The following MAST2 variants were observed in gnomAD, a reference collection of about 807,000 sequenced individuals.
The protein encoded by MAST2 is microtubule associated serine/threonine kinase 2.
In MAST2, 70 loss-of-function variants were observed where a neutral mutation model predicts 147.4. The ratio of observed to expected loss-of-function variants is 0.47; its 90% CI spans 0.39 to 0.58. The LOEUF (loss-of-function observed/expected upper bound fraction) is 0.58. Ranked by LOEUF, MAST2 falls within the 20% of genes least tolerant of loss-of-function variation. The pLI, the probability that MAST2 is intolerant of heterozygous loss-of-function variation, is 0.00. For missense variants in MAST2, 2,080 were observed against 2,302.3 expected, an observed-to-expected ratio of 0.90 and a Z score of 1.98; for synonymous variants, 869 against 896.8, an observed-to-expected ratio of 0.97 and a Z score of 0.55.
intron 4 of MAST2, among the ~76,000 whole-genome samples, chr1:45,892,765 A>G (rs1648046418): frequency 6.6e-6 from 1 of 152,206 alleles, no homozygotes; most frequent in Admixed American, 6.5e-5. Context: ...TCTGCATGTG[A>G]CAGAGTCTCA....
At chr1:45,948,135 G>A (rs1658358663) in intron 4 of MAST2, among the ~76,000 whole-genome samples, 1 of 152,188 alleles carries the variant, frequency 6.6e-6, no homozygotes, top group African/African-American at 2.4e-5. Flanking sequence ...AGCCAAATCA[G>A]GAAGGCAGTC....
intron 3 of MAST2, among the ~76,000 whole-genome samples, chr1:45,836,446 G>T (rs571327824): frequency 2.8e-4 from 43 of 152,158 alleles, no homozygotes; most frequent in African/African-American, 8.4e-4. Flanking sequence ...TCATTAAAAA[G>T]ATTCTTATTT....
At chr1:45,880,531 C>T (rs774843111) in intron 3 of MAST2, among the ~76,000 whole-genome samples, 2 of 152,046 alleles carry the variant, frequency 1.3e-5, no homozygotes, top group African/African-American at 4.8e-5. Context: ...AATTGGCATA[C>T]GTAAGATTAA....
intron 5 of MAST2, among the ~76,000 whole-genome samples, chr1:45,988,591 A>G (rs775994753): frequency 3.7e-4 from 56 of 152,200 alleles, no homozygotes; most frequent in Non-Finnish European, 5.4e-4. Context: ...GTAAGTGTCA[A>G]TTATGTCAAG....
chr1:46,025,285 C>A (rs1255417937), intron 15 of MAST2, among the ~76,000 whole-genome samples: 3 of 152,138 alleles, frequency 2.0e-5, no homozygotes, highest in Admixed American at 2.0e-4. Flanking sequence ...CACCACTGCA[C>A]TCTAGCCTGG....
Position 46,021,951 on chromosome 1 carries a change from A to G in MAST2, c.1292A>G (p.Glu431Gly). 1.2e-6 allele frequency: 2 copies of G among 1,614,104 alleles called. No homozygotes were observed. The highest frequency in any genetic ancestry group is 1.7e-6 in the Non-Finnish European group (2 of 1,179,990). ...GACTATCTCTCTCCCTTGGTACAGGAGTTTGACCCTGAAGAGTTCTACCAC... is the reference window on the plus strand; with the variant it reads ...GACTATCTCTCTCCCTTGGTACAGGGGTTTGACCCTGAAGAGTTCTACCAC... Reference protein sequence around the residue: ...ARPARLLECLEFDPEEFYHLL... With the variant: ...ARPARLLECLGFDPEEFYHLL... The change falls in exon 12 of 29, where the codon GAG (glutamate) becomes GGG (glycine). Residue 431 changes from glutamate to glycine, a missense_variant and splice_region_variant. By Grantham distance (98) the Glu-to-Gly change is moderately conservative. Transcript: ENST00000361297.
intron 5 of MAST2, among the ~76,000 whole-genome samples, chr1:45,986,451 C>T (rs1363778900): frequency 1.3e-5 from 2 of 152,150 alleles, no homozygotes; most frequent in African/African-American, 2.4e-5. Flanking sequence ...CACGGTGGCT[C>T]ATGCCTGTAA....
chr1:45,850,152 A>G (rs943062616), intron 3 of MAST2, among the ~76,000 whole-genome samples: 2 of 152,114 alleles, frequency 1.3e-5, no homozygotes, highest in Non-Finnish European at 2.9e-5. Context: ...TCTGACTGGC[A>G]TAAGATGGTA....
intron 5 of MAST2, among the ~76,000 whole-genome samples, chr1:45,985,587 T>C (rs1644582100): frequency 6.6e-6 from 1 of 152,260 alleles, no homozygotes; most frequent in Non-Finnish European, 1.5e-5. Context: ...TAGTATGTAC[T>C]GTGTTTTTTG....
At chr1:45,847,202 A>G in intron 3 of MAST2, 1 of 527,470 alleles carries the variant, frequency 1.9e-6, no homozygotes, top group Non-Finnish European at 3.9e-6. Context: ...TTGCATTTAG[A>G]ATGTCTGGAA....
intron 4 of MAST2, among the ~76,000 whole-genome samples, chr1:45,901,315 G>A (rs993209645): frequency 2.0e-5 from 3 of 152,124 alleles, no homozygotes; most frequent in African/African-American, 7.2e-5. Context: ...TACTGTAGGT[G>A]TATGGATTGA....
rs1454584906 is a variant in MAST2, at chr1:46,034,074, A to G, written c.3676A>G (p.Arg1226Gly). 1.2e-6 allele frequency: 2 copies of G among 1,612,962 alleles called. No homozygotes were observed. Among genetic ancestry groups the G allele is most frequent in the African/African-American group, 2.7e-5 (2 of 75,050 alleles). Residue 1226 changes from arginine to glycine, a missense_variant and splice_region_variant, in exon 28 of 29, where the codon AGA (arginine) becomes GGA (glycine). Physicochemically the swap from Arg to Gly is moderately radical, Grantham distance 125 (BLOSUM62 -2). Transcript: ENST00000361297. ...RSRGKDGQES[R>G]KRSSLFRKIT... ...AGCCTTTGACCCTTATCCCCGCAGC[A>G]GAAAAAGGAGCTCCCTGTTCCGCAA...
chr1:46,034,984 A>G lies in MAST2; in HGVS notation c.4315A>G (p.Lys1439Glu). ...TGACCTGCCCCACTCTGAACTAAAG[A>G]AGGAACTGCCGCCCAGGGAAGTGAG... ...SLDLPHSELK[K>E]ELPPREVSPL... The change falls in exon 29 of 29, where the codon AAG becomes GAG. Residue 1439 changes from lysine to glutamate, a missense_variant. Lys to Glu is a moderately conservative substitution (Grantham distance 56). Coordinates refer to ENST00000361297, the MANE Select transcript of MAST2 (RefSeq NM_015112.3). 1 of 1,614,022 alleles carries G rather than the reference A, an allele frequency of 6.2e-7. No individual in the cohort carries two copies. Among genetic ancestry groups the G allele is most frequent in the Non-Finnish European group, 8.5e-7 (1 of 1,180,014 alleles).
intron 5 of MAST2, among the ~76,000 whole-genome samples, chr1:45,962,638 T>A (rs1217001869): frequency 3.3e-5 from 5 of 152,194 alleles, no homozygotes; most frequent in African/African-American, 1.2e-4. Context: ...TTCTTGTAAA[T>A]TTGTTTGAGT....
At chr1:45,842,078 G>T (rs963339785) in intron 3 of MAST2, among the ~76,000 whole-genome samples, 1 of 152,094 alleles carries the variant, frequency 6.6e-6, no homozygotes, top group South Asian at 2.1e-4. Context: ...CTGCTTGATT[G>T]CCACTAGGTG....
Position 46,032,344 on chromosome 1 carries a change from G to A in MAST2, c.3354G>A (p.Leu1118=), listed in dbSNP as rs900848311. ...CTGGCAAGAAGTATGGCTTCACCCT[G>A]CGGGCCATTCGCGTCTACATGGGTG... The part of the protein sequence containing the change: ...HRAGKKYGFT[L]RAIRVYMGDS... The change falls in exon 25 of 29, where the codon CTG becomes CTA. Residue 1118 remains leucine, a synonymous_variant. Coordinates refer to ENST00000361297, the MANE Select transcript of MAST2 (RefSeq NM_015112.3). The A allele has an allele frequency of 9.9e-6, 16 of 1,614,116 alleles. No individual in the cohort carries two copies. The highest frequency in any genetic ancestry group is 1.6e-4 in the Middle Eastern group (1 of 6,084).
In MAST2 at chr1:45,905,913, A is replaced by G. The variant is rs187451128; in HGVS notation, c.500+23518A>G. Among the ~76,000 whole-genome samples the G allele has an allele frequency of 2.6e-4, 39 of 152,282 alleles. No individual in the cohort carries two copies. The South Asian group carries it at 4.1e-3, about 16-fold the overall frequency. Reference sequence around the variant, plus strand: ...AATGTTTATACTGTTGTACTTTCCTACTAGGGATGTCGAGGGTTCCAGTTG... The same window carrying G: ...AATGTTTATACTGTTGTACTTTCCTGCTAGGGATGTCGAGGGTTCCAGTTG... On this transcript the variant is annotated intron_variant, in intron 4 of 28. Transcript: ENST00000361297.
chr1:45,871,555 TTTC>T (rs1323796161), intron 3 of MAST2, among the ~76,000 whole-genome samples: 1 of 152,226 alleles, frequency 6.6e-6, no homozygotes. Flanking sequence ...CTGTTTGTGC[TTTC>T]TTAACCCATT....
rs550769128 is a variant in MAST2, at chr1:45,962,607, G to T, written c.592+3130G>T. ...TCTGTTCATATCCTTCGCCCACTTT[G>T]TGATGGGGTTGTTTGTTTTTTTCTT... On this transcript the variant is annotated intron_variant, in intron 5 of 28. Coordinates refer to ENST00000361297, the MANE Select transcript of MAST2 (RefSeq NM_015112.3). Among the ~76,000 whole-genome samples the T allele has an allele frequency of 7.3e-5, 11 of 151,228 alleles. No homozygotes were observed. In the South Asian group the frequency reaches 1.0e-3, roughly 14 times the overall value.
Sources: allele counts gnomAD v4.1 joint callset (sites outside exome capture counted in the v4.1 genomes callset), GRCh38; gene constraint gnomAD v4.1.1; transcripts MANE v1.5; gene names NCBI Gene and HGNC (gene_info 2026-07-23, HGNC 2026-07-21).